Variants in MTUS1 observed in about 807,000 individuals in gnomAD.
MTUS1 encodes the protein microtubule associated scaffold protein 1.
MTUS1 carries 109 observed loss-of-function variants against 120.8 expected under a neutral mutation model. The ratio of observed to expected loss-of-function variants is 0.90; its 90% CI spans 0.77 to 1.06. The LOEUF (loss-of-function observed/expected upper bound fraction) is 1.06, where lower values mean the gene tolerates loss of function less well. Ranked by LOEUF, MTUS1 falls within the 50% of genes least tolerant of loss-of-function variation. The pLI, the probability that MTUS1 is intolerant of heterozygous loss-of-function variation, is 0.00. For synonymous variants in MTUS1, 737 were observed against 550.5 expected, an observed-to-expected ratio of 1.34 and a Z score of -4.74; for missense variants, 2,210 against 1,486.3, an observed-to-expected ratio of 1.49 and a Z score of -8.01.
At chr8:17,733,080 G>A (rs1199038883) in intron 3 of MTUS1, among the ~76,000 whole-genome samples, 1 of 152,146 alleles carries the variant, frequency 6.6e-6, no homozygotes, top group South Asian at 2.1e-4. Flanking sequence ...GCTGGGCACG[G>A]TGCCTCACGC....
At position 17,742,269 on chromosome 8, in the gene MTUS1, G is replaced by GTTTTTTTTTTTT. The variant is rs1210338239; in HGVS notation, c.2287+1323_2287+1334dup. 2.2e-4 allele frequency among the ~76,000 whole-genome samples: 21 copies of GTTTTTTTTTTTT among 94,904 alleles called. 1 individual carries two copies. Among genetic ancestry groups the GTTTTTTTTTTTT allele is most frequent in the East Asian group, 6.4e-4 (2 of 3,128 alleles). 62.3% of individuals were successfully genotyped at this position (94,904 alleles called of 152,430 possible). A position where few individuals can be genotyped will look rare whatever the true frequency, so the allele number is the denominator to read the frequency against. ...CACCATCATGCTCTCATGCCCAGCTGTTTTTTTTTTTTGTTGTTGTTGTTT... is the reference window on the plus strand; with the variant it reads ...CACCATCATGCTCTCATGCCCAGCTGTTTTTTTTTTTTTTTTTTTTTTTTGTTGTTGTTGTTT... On this transcript the variant is annotated intron_variant, in intron 3 of 14. Coordinates refer to ENST00000693296, the MANE Select transcript of MTUS1 (RefSeq NM_001363059.2).
At chr8:17,701,958 T>C (rs970024008) in intron 6 of MTUS1, among the ~76,000 whole-genome samples, 6 of 152,244 alleles carry the variant, frequency 3.9e-5, no homozygotes, top group East Asian at 1.9e-4. Flanking sequence ...TTCACACTTA[T>C]CTTTCCATGG....
intron 1 of MTUS1, among the ~76,000 whole-genome samples, chr8:17,769,881 TACACACACACACACACACAC>T (rs56287929): frequency 0.024 from 2,401 of 99,608 alleles, 100 homozygotes; most frequent in African/African-American, 0.085. Flanking sequence ...ACTCTTTGCT[TACACACACACACACACACAC>T]ACACACACAC....
At position 17,686,274 on chromosome 8, in the gene MTUS1, C is replaced by A. The variant is rs187683559; in HGVS notation, c.2624-1732G>T. ...TTCTGTTCCCACACATTTTGGAAAG[C>A]GGATTAGGTGGTGATGTAATATATG... On this transcript the variant is annotated intron_variant, in intron 6 of 14. Transcript: ENST00000693296. Among the ~76,000 whole-genome samples the A allele has an allele frequency of 5.9e-5, 9 of 152,204 alleles. No homozygotes were observed. The East Asian group carries it at 1.5e-3, about 26-fold the overall frequency.
At chr8:17,778,679 G>T (rs903939660) in intron 1 of MTUS1, among the ~76,000 whole-genome samples, 4 of 152,012 alleles carry the variant, frequency 2.6e-5, no homozygotes, top group Non-Finnish European at 5.9e-5. Context: ...TGTGGTGGTG[G>T]GTGCCTGTAG....
intron 14 of MTUS1, 74 bp from the exon 15 acceptor site, chr8:17,646,213 T>G: frequency 2.8e-6 from 4 of 1,429,980 alleles, no homozygotes; most frequent in Non-Finnish European, 3.7e-6. Context: ...TCTTAGCGTT[T>G]GAAACTTTAA....
intron 3 of MTUS1, among the ~76,000 whole-genome samples, chr8:17,724,874 C>A (rs1296972681): frequency 6.6e-6 from 1 of 152,138 alleles, no homozygotes; most frequent in South Asian, 2.1e-4. Context: ...TTATTGAGTA[C>A]TCTAGGTTTT....
Position 17,647,057 on chromosome 8 carries a change from A to C in MTUS1, c.3524T>G (p.Val1175Gly). The change falls in exon 14 of 15, where the codon GTT (valine) becomes GGT (glycine). Residue 1175 changes from valine (V) to glycine (G), a missense_variant. By Grantham distance (109) the Val-to-Gly change is moderately radical. Transcript: ENST00000693296. The part of the protein sequence containing the change: ...EKLVDNNTAL[V>G]DKLKRFQQEN... ...CTGCTGGAAACGCTTCAATTTGTCAACCAATGCTGTGTTGTTGTCCACCTT... is the reference window on the plus strand; with the variant it reads ...CTGCTGGAAACGCTTCAATTTGTCACCCAATGCTGTGTTGTTGTCCACCTT... The C allele has an allele frequency of 6.2e-7, 1 of 1,613,888 alleles. No homozygotes were observed. The highest frequency in any genetic ancestry group is 8.5e-7 in the Non-Finnish European group (1 of 1,179,932).
At chr8:17,785,909 C>T (rs1246002931) in intron 1 of MTUS1, among the ~76,000 whole-genome samples, 1 of 152,128 alleles carries the variant, frequency 6.6e-6, no homozygotes, top group Non-Finnish European at 1.5e-5. Context: ...CTTTGGGAGG[C>T]CAAAACAAGA....
At chr8:17,699,147 G>T (rs1274498955) in intron 6 of MTUS1, among the ~76,000 whole-genome samples, 1 of 152,246 alleles carries the variant, frequency 6.6e-6, no homozygotes, top group Admixed American at 6.5e-5. Flanking sequence ...GTAGGAGGTG[G>T]TTTTTCTTTC....
At chr8:17,662,511 A>G (rs1809977466) in intron 8 of MTUS1, among the ~76,000 whole-genome samples, 1 of 151,840 alleles carries the variant, frequency 6.6e-6, no homozygotes, top group Non-Finnish European at 1.5e-5. Context: ...GCACACCACC[A>G]CACTTGGCTA....
At chr8:17,673,609 G>A (rs1367882401) in intron 8 of MTUS1, among the ~76,000 whole-genome samples, 1 of 152,106 alleles carries the variant, frequency 6.6e-6, no homozygotes, top group Non-Finnish European at 1.5e-5. Flanking sequence ...ACACCACCAT[G>A]CTTGGCTGAT....
intron 1 of MTUS1, among the ~76,000 whole-genome samples, chr8:17,781,146 C>G (rs1183696550): frequency 3.9e-5 from 6 of 152,142 alleles, no homozygotes; most frequent in Admixed American, 3.9e-4. Context: ...CACAACTTCT[C>G]AAGTGATCTG....
intron 4 of MTUS1, among the ~76,000 whole-genome samples, chr8:17,719,418 T>C (rs1271962577): frequency 3.3e-5 from 5 of 152,218 alleles, no homozygotes; most frequent in African/African-American, 9.6e-5. Context: ...TCAAAAGCAA[T>C]ATCACTCAAC....
chr8:17,674,972 C>A, intron 8 of MTUS1: 1 of 1,350,720 alleles, frequency 7.4e-7, no homozygotes. Context: ...TTCTGCTAGG[C>A]TTAGTCAGAT....
At chr8:17,712,612 T>G (rs886165975) in intron 6 of MTUS1, among the ~76,000 whole-genome samples, 1 of 152,214 alleles carries the variant, frequency 6.6e-6, no homozygotes, top group Admixed American at 6.5e-5. Context: ...GTGCTGGGAT[T>G]ACAGGTGTGA....
intron 5 of MTUS1, among the ~76,000 whole-genome samples, chr8:17,713,831 T>C (rs975020286): frequency 3.3e-5 from 5 of 152,314 alleles, no homozygotes; most frequent in Non-Finnish European, 4.4e-5. Flanking sequence ...AGATACCAGT[T>C]AGAACAGCTA....
intron 1 of MTUS1, among the ~76,000 whole-genome samples, chr8:17,781,332 G>A (rs957938184): frequency 2.0e-5 from 3 of 152,170 alleles, no homozygotes; most frequent in African/African-American, 7.2e-5. Context: ...TAACCAAAGA[G>A]TTATTAGTAA....
chr8:17,794,477 T>C (rs920817407), intron 1 of MTUS1, among the ~76,000 whole-genome samples: 1 of 152,174 alleles, frequency 6.6e-6, no homozygotes, highest in African/African-American at 2.4e-5. Flanking sequence ...GGGGCCTAGA[T>C]TGGGGATCTA....
Sources: allele counts gnomAD v4.1 joint callset (sites outside exome capture counted in the v4.1 genomes callset), GRCh38; gene constraint gnomAD v4.1.1; transcripts MANE v1.5; gene names NCBI Gene and HGNC (gene_info 2026-07-23, HGNC 2026-07-21).